Variants in ZNF708 observed in about 807,000 individuals in gnomAD.
The protein encoded by ZNF708 is ZNF15, ZNF15L1.
In ZNF708, 44 loss-of-function variants were observed where a neutral mutation model predicts 47.0. That is an observed-to-expected ratio of 0.94 (90% confidence interval 0.74 to 1.20). The LOEUF is 1.20. ZNF708 is among the 50% of genes most tolerant of loss of function. ZNF708 has a pLI of 0.00. For synonymous variants in ZNF708, 184 were observed against 218.5 expected (o/e 0.84, Z 1.39); for missense variants, 557 against 656.0 (o/e 0.85, Z 1.65).
In ZNF708 at chr19:21,291,606, C is replaced by T. The variant is rs1202157085; in HGVS notation, c.*1668G>A. ...TTTGGGCCGGGCGCTGTGGCTTAAG[C>T]CTGTAATCACAGCACTTTGGGAAGC... On this transcript the variant is annotated 3_prime_UTR_variant, in exon 4 of 4. Coordinates refer to ENST00000356929, the MANE Select transcript of ZNF708 (RefSeq NM_021269.3). The T allele has an allele frequency of 6.6e-6, 1 of 152,098 alleles. No individual in the cohort carries two copies. The highest frequency in any genetic ancestry group is 1.5e-5 in the Non-Finnish European group (1 of 68,040). 9.4% of individuals were successfully genotyped at this position (152,098 alleles called of 1,614,324 possible).
intron 3 of ZNF708, among the ~76,000 whole-genome samples, chr19:21,301,828 A>T (rs1972666111): frequency 8.2e-6 from 1 of 122,086 alleles, no homozygotes; most frequent in African/African-American, 3.3e-5. Context: ...AGAACTTTCC[A>T]AATGTTGATG....
intron 3 of ZNF708, among the ~76,000 whole-genome samples, chr19:21,303,448 G>C (rs1972697833): frequency 1.3e-5 from 2 of 152,130 alleles, no homozygotes; most frequent in South Asian, 4.1e-4. Flanking sequence ...CAGCTACTTG[G>C]GAGGCTGAGG....
At position 21,303,880 on chromosome 19, in the gene ZNF708, A is replaced by C. The variant is rs140476313; in HGVS notation, c.226+5366T>G. ...ATCTATAACTATTATATCTCTCTCT[A>C]TATATGTATGTATGTATAAAACATA... On this transcript the variant is annotated intron_variant, in intron 3 of 3. Transcript: ENST00000356929. Among the ~76,000 whole-genome samples the C allele has an allele frequency of 3.3e-3, 503 of 152,182 alleles. 3 individuals are homozygous for C. The highest frequency in any genetic ancestry group is 0.011 in the African/African-American group (469 of 41,566).
chr19:21,316,133 CTTTTTT>C (rs544312163), intron 1 of ZNF708, among the ~76,000 whole-genome samples: 2,450 of 105,514 alleles, frequency 0.023, 31 homozygotes, highest in Middle Eastern at 0.061. Flanking sequence ...TTTCTTTTTT[CTTTTTT>C]TTTTTTTTTT....
intron 1 of ZNF708, among the ~76,000 whole-genome samples, chr19:21,314,664 T>C (rs544113432): frequency 2.6e-4 from 39 of 152,316 alleles, no homozygotes; most frequent in African/African-American, 9.1e-4. Flanking sequence ...TAGCAATCAG[T>C]TTATCTGCTT....
At chr19:21,303,493 G>A (rs1972698569) in intron 3 of ZNF708, among the ~76,000 whole-genome samples, 2 of 152,102 alleles carry the variant, frequency 1.3e-5, no homozygotes, top group South Asian at 4.1e-4. Flanking sequence ...GGTGGAGGTT[G>A]CAGTGAGGCA....
intron 1 of ZNF708, among the ~76,000 whole-genome samples, chr19:21,316,191 T>C (rs1973006002): frequency 7.1e-6 from 1 of 141,012 alleles, no homozygotes; most frequent in African/African-American, 2.6e-5. Context: ...TGGAGTGCAG[T>C]GGCGCAATCT....
intron 1 of ZNF708, among the ~76,000 whole-genome samples, chr19:21,314,272 G>A (rs970591956): frequency 1.2e-4 from 18 of 152,124 alleles, no homozygotes; most frequent in South Asian, 6.2e-4. Context: ...AAATCCCAGC[G>A]TTTGCGTAAT....
chr19:21,294,317 T>G lies in ZNF708; in HGVS notation c.649A>C (p.Ile217Leu). The stretch of plus-strand genomic sequence containing the variant: ...TTGTAGGGTTTCTCTCCAGTATGAA[T>G]TATCTTATGATTCGTAAGGTTTGAG... ...KSSNLTNHKI[I>L]HTGEKPYKCE... is the part of the protein sequence containing the mutation. Residue 217 changes from isoleucine (I) to leucine (L), a missense_variant, in exon 4 of 4, where the codon ATT (isoleucine) becomes CTT (leucine). Physicochemically the swap from Ile to Leu is conservative, Grantham distance 5. Transcript: ENST00000356929. 1 of 1,613,108 alleles carries G rather than the reference T, an allele frequency of 6.2e-7. No homozygotes were observed. The highest frequency in any genetic ancestry group is 8.5e-7 in the Non-Finnish European group (1 of 1,179,764).
chr19:21,316,573 A>C (rs1973017554), intron 1 of ZNF708, among the ~76,000 whole-genome samples: 1 of 152,206 alleles, frequency 6.6e-6, no homozygotes, highest in South Asian at 2.1e-4. Flanking sequence ...AAAAATTCTC[A>C]TGTCTACATA....
Position 21,329,190 on chromosome 19 carries a change from A to G in ZNF708, c.3+20T>C. On this transcript the variant is annotated intron_variant, in intron 1 of 3. Transcript: ENST00000356929. ...CAACCAGCCCTTCCCCTCTCTCGGG[A>G]TGTCGGACGGCACTCTCACCATTTC... 6.2e-7 allele frequency: 1 copy of G among 1,611,914 alleles called. No individual in the cohort carries two copies. Among genetic ancestry groups the G allele is most frequent in the Non-Finnish European group, 8.5e-7 (1 of 1,178,486 alleles).
intron 1 of ZNF708, among the ~76,000 whole-genome samples, chr19:21,326,917 A>C (rs1973266990): frequency 6.6e-6 from 1 of 152,064 alleles, no homozygotes; most frequent in Admixed American, 6.6e-5. Flanking sequence ...CTGGGCAACA[A>C]GAGCAAGAGT....
At chr19:21,321,719 G>A (rs67119504) in intron 1 of ZNF708, among the ~76,000 whole-genome samples, 78,700 of 141,860 alleles carry the variant, frequency 0.55, 21,963 homozygotes, top group Middle Eastern at 0.69. Context: ...AAGGAAGGAA[G>A]GAAGAAAGAA....
chr19:21,327,251 C>A (rs375362438), intron 1 of ZNF708, among the ~76,000 whole-genome samples: 1 of 151,630 alleles, frequency 6.6e-6, no homozygotes, highest in Non-Finnish European at 1.5e-5. Flanking sequence ...GTGTCTAGAC[C>A]GGGCGCGGTG....
chr19:21,296,088 A>ATG, intron 3 of ZNF708, among the ~76,000 whole-genome samples: 1 of 152,154 alleles, frequency 6.6e-6, no homozygotes, highest in Admixed American at 6.6e-5. Flanking sequence ...CATTTATAAA[A>ATG]ATGTCTTATG....
chr19:21,320,798 A>G lies in ZNF708; in HGVS notation c.3+8412T>C, dbSNP rs1781864. Among the ~76,000 whole-genome samples, 1,081 of 150,200 alleles carry G rather than the reference A, an allele frequency of 7.2e-3. 15 individuals are homozygous for G. Among genetic ancestry groups the G allele is most frequent in the African/African-American group, 0.025 (1,030 of 40,786 alleles). The stretch of plus-strand genomic sequence containing the variant: ...AAAAAAAAAAAAAAAGAACAGCATT[A>G]TATCCTGTGCAGCAACATGGATAGA... On this transcript the variant is annotated intron_variant, in intron 1 of 3. Transcript: ENST00000356929.
Position 21,294,560 on chromosome 19 carries a change from G to A in ZNF708, c.406C>T (p.Gln136Ter), listed in dbSNP as rs1286043719. 1 of 1,613,932 alleles carries A rather than the reference G, an allele frequency of 6.2e-7. No individual in the cohort carries two copies. Among genetic ancestry groups the A allele is most frequent in the Non-Finnish European group, 8.5e-7 (1 of 1,179,982 alleles). ...KGLNRCVTTT[Q>*]SKIVQCDKYV... is the part of the protein sequence containing the mutation. ...TTGTCACACTGAACTATTTTGCTCTGGGTAGTTGTCACACACCGGTTAAGT... is the reference window on the plus strand; with the variant it reads ...TTGTCACACTGAACTATTTTGCTCTAGGTAGTTGTCACACACCGGTTAAGT... The change falls in exon 4 of 4, where the codon CAG becomes TAG. Residue 136 changes from glutamine (Q) to a stop codon, truncating the protein, a stop_gained. Transcript: ENST00000356929. LOFTEE classifies it high-confidence loss of function.
chr19:21,308,648 G>C (rs1413625327), intron 3 of ZNF708, among the ~76,000 whole-genome samples: 3 of 151,914 alleles, frequency 2.0e-5, no homozygotes, highest in African/African-American at 7.3e-5. Context: ...TAGGCTTAAG[G>C]GATCCTTCTG....
At chr19:21,327,989 C>T (rs762880416) in intron 1 of ZNF708, 30 of 1,008,254 alleles carry the variant, frequency 3.0e-5, no homozygotes, top group Middle Eastern at 6.8e-4. Flanking sequence ...GAAAAATGAC[C>T]CAGGAGCTGA....
Sources: gnomAD v4.1 joint callset for allele counts (sites outside exome capture counted in the v4.1 genomes callset) on GRCh38, gnomAD v4.1.1 for gene constraint, MANE v1.5 for transcripts, NCBI Gene and HGNC (gene_info 2026-07-23, HGNC 2026-07-21) for gene names.